Variants in CHST3 observed in about 807,000 individuals in gnomAD.
CHST3 encodes the protein C6ST-1.
CHST3 carries 20 observed loss-of-function variants against 35.4 expected under a neutral mutation model. The observed-to-expected ratio is 0.57, with a 90% CI of 0.40 to 0.82. CHST3 has a LOEUF of 0.82. Ranked by LOEUF, CHST3 falls within the 40% of genes least tolerant of loss-of-function variation. CHST3 has a pLI of 0.00. For synonymous variants in CHST3, 334 were observed against 295.9 expected (o/e 1.13, Z -1.32); for missense variants, 693 against 670.1 (o/e 1.03, Z -0.38).
Position 72,007,582 on chromosome 10 carries a change from C to T in CHST3, c.551C>T (p.Ser184Leu), listed in dbSNP as rs1330870573. The change falls in exon 3 of 3, where the codon TCG (serine) becomes TTG (leucine). Residue 184 changes from serine to leucine, a missense_variant. Ser to Leu is a moderately radical substitution (Grantham distance 145). Coordinates refer to ENST00000373115, the MANE Select transcript of CHST3 (RefSeq NM_004273.5). ...CCGGGGGGCGCCAACGCCGCGGGCT[C>T]GGCCCTGGTGTACCGCGACGTGCTC... ...FEPGGANAAG[S>L]ALVYRDVLKQ... 5 of 1,608,670 alleles carry T rather than the reference C, an allele frequency of 3.1e-6. No individual in the cohort carries two copies. Among genetic ancestry groups the T allele is most frequent in the African/African-American group, 2.7e-5 (2 of 74,924 alleles).
At chr10:71,979,422 G>GT (rs1484881545) in intron 1 of CHST3, among the ~76,000 whole-genome samples, 1 of 151,878 alleles carries the variant, frequency 6.6e-6, no homozygotes, top group African/African-American at 2.4e-5. Flanking sequence ...CAGGAGAGGG[G>GT]TTAGACTAGT....
intron 1 of CHST3, among the ~76,000 whole-genome samples, chr10:71,970,027 GAGCGCGTGGACTCCAC>G (rs1328117416): frequency 6.6e-6 from 1 of 152,220 alleles, no homozygotes; most frequent in Middle Eastern, 3.2e-3. Flanking sequence ...GTCCTACCCT[GAGCGCGTGGACTCCAC>G]AGCGGGGTGT....
intron 1 of CHST3, among the ~76,000 whole-genome samples, chr10:71,966,323 C>T (rs1478417704): frequency 6.6e-6 from 1 of 152,114 alleles, no homozygotes; most frequent in African/African-American, 2.4e-5. Flanking sequence ...GAGCAGTGGT[C>T]ACAGTCCCTG....
rs75845750 is a variant in CHST3 at position 72,008,459 on chromosome 10, C to T, written c.1428C>T (p.Phe476=). Residue 476 remains phenylalanine (F), a synonymous_variant, in exon 3 of 3, where the codon TTC becomes TTT. Coordinates refer to ENST00000373115, the MANE Select transcript of CHST3 (RefSeq NM_004273.5). ...SVSLLEERGT[F]WVT ...GCCTGCTGGAGGAGAGGGGCACCTT[C>T]TGGGTCACGTAGGGGGGCCGGGGCC... is the stretch of plus-strand genomic sequence containing the variant. The T allele has an allele frequency of 3.0e-3, 4,615 of 1,554,322 alleles. 132 individuals are homozygous for T. In the Admixed American group the frequency reaches 0.047, roughly 16 times the overall value.
intron 1 of CHST3, among the ~76,000 whole-genome samples, chr10:71,968,665 C>A (rs79347204): frequency 6.6e-6 from 1 of 152,226 alleles, no homozygotes. Flanking sequence ...CTAACGTGGT[C>A]CCAGGGCCTC....
intron 1 of CHST3, among the ~76,000 whole-genome samples, chr10:71,996,913 T>TTTTTG (rs371381781): frequency 0.014 from 2,101 of 152,072 alleles, 61 homozygotes; most frequent in African/African-American, 0.047. Flanking sequence ...TTTGTTTTGT[T>TTTTTG]TTTTGTTTTG....
Position 72,008,807 on chromosome 10 carries a change from A to C in CHST3, c.*336A>C. On this transcript the variant is annotated 3_prime_UTR_variant, in exon 3 of 3. Coordinates refer to ENST00000373115, the MANE Select transcript of CHST3 (RefSeq NM_004273.5). ...AGACCCTGCAGGCCAGAGTCCAAAT[A>C]TTTAACAATCAGAAGGGGCAAGGCT... 8.8e-6 allele frequency: 2 copies of C among 226,286 alleles called. No homozygotes were observed. The highest frequency in any genetic ancestry group is 1.7e-5 in the Non-Finnish European group (2 of 115,760). 14.0% of individuals were successfully genotyped at this position (226,286 alleles called of 1,614,324 possible). A position where few individuals can be genotyped will look rare whatever the true frequency, so the allele number is the denominator to read the frequency against.
intron 1 of CHST3, among the ~76,000 whole-genome samples, chr10:71,979,972 T>A (rs371406271): frequency 1.3e-5 from 2 of 152,156 alleles, no homozygotes; most frequent in East Asian, 3.9e-4. Flanking sequence ...CAGGCCAGAG[T>A]TGGAAAGATT....
rs1233550366 is a variant in CHST3, at chr10:72,008,590, G to A, written c.*119G>A. 3.5e-6 allele frequency: 5 copies of A among 1,434,124 alleles called. No individual in the cohort carries two copies. The highest frequency in any genetic ancestry group is 5.7e-5 in the Admixed American group (2 of 34,870). The allele number at this position is 1,434,124 out of a possible 1,614,324, so 88.8% of individuals were successfully genotyped here. The stretch of plus-strand genomic sequence containing the variant: ...CGGGCAGCGCCTCCTGTAGCAGTAG[G>A]GCCCCCAGCCAGCGCTCCAGCCAAA... On this transcript the variant is annotated 3_prime_UTR_variant, in exon 3 of 3. Transcript: ENST00000373115.
intron 1 of CHST3, among the ~76,000 whole-genome samples, chr10:71,969,406 A>G (rs762451174): frequency 2.0e-5 from 3 of 152,198 alleles, no homozygotes; most frequent in Non-Finnish European, 4.4e-5. Context: ...GAGAGTGGTT[A>G]TCCCTGCTGG....
Position 72,008,767 on chromosome 10 carries a change from T to G in CHST3, c.*296T>G. 8.9e-6 allele frequency: 3 copies of G among 337,428 alleles called. No individual in the cohort carries two copies. Among genetic ancestry groups the G allele is most frequent in the East Asian group, 4.9e-5 (1 of 20,426 alleles). 20.9% of individuals were successfully genotyped at this position (337,428 alleles called of 1,614,324 possible). ...CTTCGATCTCACACACACAGAAACA[T>G]ACATTCGTGCCTGGAGACCCTGCAG... is the stretch of plus-strand genomic sequence containing the variant. On this transcript the variant is annotated 3_prime_UTR_variant, in exon 3 of 3. Coordinates refer to ENST00000373115, the MANE Select transcript of CHST3 (RefSeq NM_004273.5).
intron 1 of CHST3, among the ~76,000 whole-genome samples, chr10:71,969,691 G>A (rs917668518): frequency 1.3e-5 from 2 of 152,214 alleles, no homozygotes; most frequent in African/African-American, 4.8e-5. Context: ...GACTGGGTGT[G>A]GGGAGAAGCC....
intron 1 of CHST3, among the ~76,000 whole-genome samples, chr10:71,992,210 G>T (rs1278019689): frequency 6.6e-6 from 1 of 152,006 alleles, no homozygotes; most frequent in Non-Finnish European, 1.5e-5. Flanking sequence ...TTGAGACAGG[G>T]TCTTGCTCTG....
At position 72,008,072 on chromosome 10, in the gene CHST3, C is replaced by T. The variant is rs1461125640; in HGVS notation, c.1041C>T (p.Ser347=). The change falls in exon 3 of 3, where the codon AGC becomes AGT. Residue 347 remains serine, a synonymous_variant. Transcript: ENST00000373115. ...EVQRLRGNCE[S]IRLSAELGLR... is the part of the protein sequence containing the mutation. ...AGCGGCTGCGGGGCAACTGCGAGAG[C>T]ATCCGCCTGTCCGCGGAGCTGGGGC... The T allele has an allele frequency of 6.5e-7, 1 of 1,546,312 alleles. No individual in the cohort carries two copies. The highest frequency in any genetic ancestry group is 8.7e-7 in the Non-Finnish European group (1 of 1,144,382).
In CHST3 at chr10:72,008,537, G is replaced by T. The variant is rs55939908; in HGVS notation, c.*66G>T. ...GCCCCGTCTTTCTGCCGCAGCCCTC[G>T]CAGAGGGCGGGTGCACAGCGCCATG... is the stretch of plus-strand genomic sequence containing the variant. On this transcript the variant is annotated 3_prime_UTR_variant, in exon 3 of 3. Coordinates refer to ENST00000373115, the MANE Select transcript of CHST3 (RefSeq NM_004273.5). 1.4e-3 allele frequency: 1,980 copies of T among 1,452,786 alleles called. 4 individuals are homozygous for T. The highest frequency in any genetic ancestry group is 8.9e-3 in the Middle Eastern group (35 of 3,944). 90.0% of individuals were successfully genotyped at this position (1,452,786 alleles called of 1,614,324 possible).
Position 72,008,200 on chromosome 10 carries a change from G to C in CHST3, c.1169G>C (p.Gly390Ala), listed in dbSNP as rs1035424190. 5 of 1,551,044 alleles carry C rather than the reference G, an allele frequency of 3.2e-6. No individual in the cohort carries two copies. In the African/African-American group the frequency reaches 6.8e-5, roughly 21 times the overall value. The change falls in exon 3 of 3, where the codon GGC becomes GCC. Residue 390 changes from glycine (G) to alanine (A), a missense_variant. Gly to Ala is a moderately conservative substitution (Grantham distance 60). Transcript: ENST00000373115. The stretch of plus-strand genomic sequence containing the variant: ...GCCCGCGAGATGTACCGCTTCGCCG[G>C]CATCCCCCTGACCCCGCAGGTGGAA... ...QKAREMYRFA[G>A]IPLTPQVEDW...
chr10:72,008,040 G>C lies in CHST3; in HGVS notation c.1009G>C (p.Glu337Gln). 1 of 1,549,446 alleles carries C rather than the reference G, an allele frequency of 6.5e-7. No homozygotes were observed. Among genetic ancestry groups the C allele is most frequent in the Non-Finnish European group, 8.7e-7 (1 of 1,146,510 alleles). ...GGGCCAGGACGGCCTGAGGGAAGAG[G>C]AGGTGCAGCGGCTGCGGGGCAACTG... ...DEGQDGLREE[E>Q]VQRLRGNCES... Residue 337 changes from glutamate (E) to glutamine (Q), a missense_variant, in exon 3 of 3, where the codon GAG becomes CAG. Physicochemically the swap from Glu to Gln is conservative, Grantham distance 29. Transcript: ENST00000373115.
intron 1 of CHST3, among the ~76,000 whole-genome samples, chr10:71,972,929 C>T (rs902645685): frequency 1.1e-4 from 16 of 152,208 alleles, no homozygotes; most frequent in Non-Finnish European, 1.8e-4. Context: ...ATTGCTGGTT[C>T]AGTGATCTGT....
chr10:72,008,690 A>C lies in CHST3; in HGVS notation c.*219A>C. 6 of 940,870 alleles carry C rather than the reference A, an allele frequency of 6.4e-6. No individual in the cohort carries two copies. The highest frequency in any genetic ancestry group is 8.9e-6 in the Non-Finnish European group (6 of 675,362). The allele number at this position is 940,870 out of a possible 1,614,324, so 58.3% of individuals were successfully genotyped here. The stretch of plus-strand genomic sequence containing the variant: ...TTGAGGGCCATCACACCCAGACCCA[A>C]CGGGTTGCAGCCTCCTGAGCAGGCC... On this transcript the variant is annotated 3_prime_UTR_variant, in exon 3 of 3. Coordinates refer to ENST00000373115, the MANE Select transcript of CHST3 (RefSeq NM_004273.5).
Sources: allele counts gnomAD v4.1 joint callset (sites outside exome capture counted in the v4.1 genomes callset), GRCh38; gene constraint gnomAD v4.1.1; transcripts MANE v1.5; gene names NCBI Gene and HGNC (gene_info 2026-07-23, HGNC 2026-07-21).